The following DEAF1 variants were observed in gnomAD, a reference collection of about 807,000 sequenced individuals.
The protein encoded by DEAF1 is DEAF1 transcription factor.
In DEAF1, 53 loss-of-function variants were observed where a neutral mutation model predicts 58.9. That is an observed-to-expected ratio of 0.90 (90% confidence interval 0.72 to 1.13). The LOEUF (loss-of-function observed/expected upper bound fraction) is 1.13. DEAF1 is among the 50% of genes most tolerant of loss of function. The pLI, the probability that DEAF1 is intolerant of heterozygous loss-of-function variation, is 0.00. For missense variants in DEAF1, 685 were observed against 791.4 expected, an observed-to-expected ratio of 0.87 and a Z score of 1.61; for synonymous variants, 385 against 340.4, an observed-to-expected ratio of 1.13 and a Z score of -1.44.
intron 10 of DEAF1, among the ~76,000 whole-genome samples, chr11:670,771 GT>G (rs199899292): frequency 2.2e-5 from 1 of 45,290 alleles, no homozygotes; most frequent in African/African-American, 7.5e-5. Context: ...TTTTCTTTTT[GT>G]TTTTGTTTTT....
intron 11 of DEAF1, among the ~76,000 whole-genome samples, chr11:649,123 T>C (rs1194100703): frequency 1.3e-5 from 2 of 152,136 alleles, no homozygotes; most frequent in African/African-American, 2.4e-5. Flanking sequence ...TGGTGGTGCA[T>C]GCCTGTAATC....
rs2133409413 is a variant in DEAF1 at position 688,771 on chromosome 11, G to A, written c.388-311C>T. On this transcript the variant is annotated intron_variant, in intron 2 of 11. Coordinates refer to ENST00000382409, the MANE Select transcript of DEAF1 (RefSeq NM_021008.4). This position sits in a 1 kb window ranked among gnomAD's most constrained non-coding sequence, Gnocchi z 4.3. Reference sequence around the variant, plus strand: ...CCTTCCACCTGAGCCGCTCCCACAAGGTCACCGTCTTCATGCAGAGTTTCC... The same window carrying A: ...CCTTCCACCTGAGCCGCTCCCACAAAGTCACCGTCTTCATGCAGAGTTTCC... Among the ~76,000 whole-genome samples, 3 of 152,298 alleles carry A rather than the reference G, an allele frequency of 2.0e-5. No homozygotes were observed. The South Asian group carries it at 6.2e-4, about 32-fold the overall frequency.
At chr11:671,333 G>T (rs1303264743) in intron 10 of DEAF1, among the ~76,000 whole-genome samples, 1 of 151,762 alleles carries the variant, frequency 6.6e-6, no homozygotes, top group Non-Finnish European at 1.5e-5. Context: ...TGAGTCTCCT[G>T]CCTCAGCCTC....
intron 10 of DEAF1, chr11:674,030 G>A (rs1451632467): frequency 1.3e-5 from 3 of 228,696 alleles, no homozygotes; most frequent in Admixed American, 5.2e-5. Flanking sequence ...TGGGCACTAC[G>A]CCCTGTGAGC....
intron 9 of DEAF1, 120 bp downstream of exon 9, chr11:678,574 A>AAT: frequency 1.4e-6 from 2 of 1,422,914 alleles, no homozygotes; most frequent in South Asian, 2.3e-5. Flanking sequence ...CCACTGATCT[A>AAT]ATGCATCAAC....
chr11:656,083 G>C (rs1270210001), intron 10 of DEAF1, among the ~76,000 whole-genome samples: 1 of 151,520 alleles, frequency 6.6e-6, no homozygotes, highest in Non-Finnish European at 1.5e-5. Flanking sequence ...ATCCACCTGA[G>C]TCGGCCCCCC....
intron 5 of DEAF1, among the ~76,000 whole-genome samples, chr11:685,195 A>C (rs1002626267): frequency 7.0e-6 from 1 of 143,022 alleles, no homozygotes; most frequent in Admixed American, 7.6e-5. Context: ...AGCAATTCTC[A>C]TGCCTCGGCC....
chr11:674,687 C>G lies in DEAF1; in HGVS notation c.1352G>C (p.Arg451Pro). 6.2e-7 allele frequency: 1 copy of G among 1,614,000 alleles called. No individual in the cohort carries two copies. Among genetic ancestry groups the G allele is most frequent in the African/African-American group, 1.3e-5 (1 of 75,056 alleles). ...CATCTCTTCTAGGTACAGCCAGCTCCGCGGCTCTGACAGCTCCAGCCCATT... is the reference window on the plus strand; with the variant it reads ...CATCTCTTCTAGGTACAGCCAGCTCGGCGGCTCTGACAGCTCCAGCCCATT... ...LVNGLELSEP[R>P]SWLYLEEMVN... The change falls in exon 10 of 12, where the codon CGG (arginine) becomes CCG (proline). Residue 451 changes from arginine to proline, a missense_variant. By Grantham distance (103) the Arg-to-Pro change is moderately radical (BLOSUM62 -2). Coordinates refer to ENST00000382409, the MANE Select transcript of DEAF1 (RefSeq NM_021008.4).
chr11:672,470 A>C (rs185925192), intron 10 of DEAF1, among the ~76,000 whole-genome samples: 6 of 152,224 alleles, frequency 3.9e-5, no homozygotes, highest in Non-Finnish European at 8.8e-5. Context: ...CTGGGATGAT[A>C]ATCACTGTTC....
intron 6 of DEAF1, among the ~76,000 whole-genome samples, chr11:681,723 A>T (rs1046625856): frequency 1.6e-4 from 24 of 151,240 alleles, no homozygotes; most frequent in African/African-American, 4.9e-4. Flanking sequence ...TTTTTTTTTT[A>T]AATAATTTAT....
At chr11:690,351 GA>G (rs1860783583) in intron 2 of DEAF1, among the ~76,000 whole-genome samples, 1 of 63,024 alleles carries the variant, frequency 1.6e-5, no homozygotes, top group Non-Finnish European at 3.1e-5. Flanking sequence ...CAGGGGAGGG[GA>G]GGGCAGGGGA....
chr11:699,177 G>T (rs1374520259), upstream of DEAF1: 10 of 481,338 alleles, frequency 2.1e-5, no homozygotes, highest in East Asian at 2.9e-4. Context: ...GTGGCAGGAA[G>T]ATGGAAATCC....
At position 644,630 on chromosome 11, in the gene DEAF1, A is replaced by C. The variant is rs996723909; in HGVS notation, c.1618T>G (p.Cys540Gly). 1.9e-6 allele frequency: 3 copies of C among 1,612,288 alleles called. No homozygotes were observed. Among genetic ancestry groups the C allele is most frequent in the Non-Finnish European group, 2.5e-6 (3 of 1,179,766 alleles). The change falls in exon 12 of 12, where the codon TGC becomes GGC. Residue 540 changes from cysteine (C) to glycine (G), a missense_variant. By Grantham distance (159) the Cys-to-Gly change is radical. This residue lies in a region of DEAF1 where 343 missense variants were observed against 379.8 expected (regional missense o/e 0.90). Coordinates refer to ENST00000382409, the MANE Select transcript of DEAF1 (RefSeq NM_021008.4). This position sits in a 1 kb window ranked among gnomAD's most constrained non-coding sequence, Gnocchi z 4.3. ...RKDWKDHQHI[C>G]GQSAAVTVQA... The stretch of plus-strand genomic sequence containing the variant: ...ACGGTGACAGCTGCTGACTGGCCGC[A>C]TATGTGCTGGTGATCCTTCCAGTCC...
upstream of DEAF1, chr11:698,935 T>C: frequency 6.2e-7 from 1 of 1,612,772 alleles, no homozygotes; most frequent in Non-Finnish European, 8.5e-7. Flanking sequence ...AGGCCCGAAT[T>C]GCTGCTGCAC....
intron 6 of DEAF1, 54 bp from the exon 7 acceptor site, chr11:681,143 C>A: frequency 1.9e-6 from 3 of 1,611,834 alleles, no homozygotes; most frequent in Admixed American, 1.7e-5. Flanking sequence ...AGCTATGCTG[C>A]GCTTGCAACT....
rs1859468843 is a variant in DEAF1 at position 665,202 on chromosome 11, G to A, written c.1503+9334C>T. Reference sequence around the variant, plus strand: ...AGGAGAAGGACAGGGTGTCACACTCGGTCACTCTAAGTAAGTCCTGGCTCA... The same window carrying A: ...AGGAGAAGGACAGGGTGTCACACTCAGTCACTCTAAGTAAGTCCTGGCTCA... On this transcript the variant is annotated intron_variant, in intron 10 of 11. Transcript: ENST00000382409. Among the ~76,000 whole-genome samples, 2 of 106,040 alleles carry A rather than the reference G, an allele frequency of 1.9e-5. 1 individual carries two copies. The highest frequency in any genetic ancestry group is 6.7e-4 in the East Asian group (2 of 2,972). The allele number at this position is 106,040 out of a possible 152,430, so 69.6% of individuals were successfully genotyped here.
At chr11:656,272 T>C (rs887314117) in intron 10 of DEAF1, among the ~76,000 whole-genome samples, 2 of 152,048 alleles carry the variant, frequency 1.3e-5, no homozygotes, top group African/African-American at 4.8e-5. Context: ...GCTTCCACCT[T>C]AGCCTCTCAA....
upstream of DEAF1, chr11:695,732 C>A: frequency 8.1e-7 from 1 of 1,241,098 alleles, no homozygotes; most frequent in Non-Finnish European, 1.0e-6. Flanking sequence ...CGGTCGGGCC[C>A]CTTCGTCAGG....
rs895610496 is a variant in DEAF1 at position 674,343 on chromosome 11, C to T, written c.1503+193G>A. ...CCTTATTTACAAAAACCAAAACCAC[C>T]TTAACAACAATAGCTGTCACTTTTC... is the stretch of plus-strand genomic sequence containing the variant. On this transcript the variant is annotated intron_variant, in intron 10 of 11. Transcript: ENST00000382409. 6.2e-6 allele frequency: 5 copies of T among 810,472 alleles called. No individual in the cohort carries two copies. The African/African-American group carries it at 6.8e-5, about 11-fold the overall frequency. 50.2% of individuals were successfully genotyped at this position (810,472 alleles called of 1,614,324 possible).
Sources: gnomAD v4.1 joint callset for allele counts (sites outside exome capture counted in the v4.1 genomes callset) on GRCh38, gnomAD v4.1.1 for gene constraint, gnomAD v4.1.1 regional missense constraint, Gnocchi (gnomAD v3.1) non-coding constraint, MANE v1.5 for transcripts, NCBI Gene and HGNC (gene_info 2026-07-23, HGNC 2026-07-21) for gene names.